Variants in HADHB observed in about 807,000 individuals in gnomAD.
The protein encoded by HADHB is trifunctional enzyme subunit beta, mitochondrial.
Under a neutral mutation model 61.9 loss-of-function variants are expected in HADHB, and 50 were observed. The observed-to-expected ratio is 0.81, with a 90% CI of 0.64 to 1.02. HADHB has a LOEUF of 1.02. Among genes scored for constraint, HADHB ranks in the 50% least tolerant of loss-of-function variants. The probability of loss-of-function intolerance (pLI) is 0.00; values close to 1 mark genes in which losing one functional copy is unlikely to be tolerated. For synonymous variants in HADHB, 191 were observed against 201.6 expected, an observed-to-expected ratio of 0.95 and a Z score of 0.45; for missense variants, 504 against 586.5, an observed-to-expected ratio of 0.86 and a Z score of 1.45.
At chr2:26,254,535 T>G (rs1671533687) in intron 3 of HADHB, 61 bp downstream of exon 3, 3 of 1,148,410 alleles carry the variant, frequency 2.6e-6, no homozygotes, top group Non-Finnish European at 4.0e-6. Context: ...ATTCTATAGT[T>G]TGTGAACTCT....
intron 15 of HADHB, among the ~76,000 whole-genome samples, chr2:26,286,838 G>A (rs1406495545): frequency 3.5e-5 from 5 of 141,752 alleles, no homozygotes; most frequent in East Asian, 2.0e-4. Context: ...TTTTAATCCC[G>A]ATGTGAACAG....
chr2:26,285,739 G>GTTTTTCTTTTTTTTTTTTTTTTT (rs1673001225), intron 15 of HADHB, among the ~76,000 whole-genome samples, 168 bp downstream of exon 15: 1 of 65,082 alleles, frequency 1.5e-5, no homozygotes, highest in Non-Finnish European at 2.9e-5. Context: ...TGTTTTTTGG[G>GTTTTTCTTTTTTTTTTTTTTTTT]TTTTTTTTTT....
intron 4 of HADHB, among the ~76,000 whole-genome samples, chr2:26,264,151 T>TA (rs1275805028): frequency 6.6e-6 from 1 of 152,138 alleles, no homozygotes; most frequent in East Asian, 1.9e-4. Flanking sequence ...TTGCCAGCTT[T>TA]AAAAAAATGC....
In HADHB at chr2:26,280,213, A is replaced by T. The variant is rs1391786085; in HGVS notation, c.933+98A>T. 4.2e-6 allele frequency: 4 copies of T among 942,608 alleles called. No individual in the cohort carries two copies. The African/African-American group carries it at 6.5e-5, about 15-fold the overall frequency. 58.4% of individuals were successfully genotyped at this position (942,608 alleles called of 1,614,324 possible). On this transcript the variant is annotated intron_variant, in intron 10 of 15. Coordinates refer to ENST00000317799, the MANE Select transcript of HADHB (RefSeq NM_000183.3). The stretch of plus-strand genomic sequence containing the variant: ...AACTTTTTGTGTGTGTTATGAATAG[A>T]GGGTTAAAAATATAGTTATTCATTT...
At chr2:26,284,352 G>T in intron 13 of HADHB, 148 bp downstream of exon 13, 1 of 709,624 alleles carries the variant, frequency 1.4e-6, no homozygotes, top group South Asian at 1.5e-5. Context: ...CTGCTGGGAG[G>T]GGCCCGAGGG....
intron 3 of HADHB, among the ~76,000 whole-genome samples, chr2:26,261,973 C>G (rs1025014467): frequency 8.6e-5 from 13 of 151,934 alleles, no homozygotes; most frequent in African/African-American, 3.1e-4. Flanking sequence ...TGCCTTTATC[C>G]TGGCCTTTTG....
intron 1 of HADHB, among the ~76,000 whole-genome samples, chr2:26,246,244 T>TTTG (rs576005702): frequency 1.3e-5 from 2 of 152,170 alleles, no homozygotes; most frequent in East Asian, 1.9e-4. Context: ...AGTGGTAAAT[T>TTTG]TTGTTGTTGT....
intron 4 of HADHB, among the ~76,000 whole-genome samples, chr2:26,265,016 A>G (rs1029484074): frequency 1.3e-5 from 2 of 152,024 alleles, no homozygotes; most frequent in Middle Eastern, 3.4e-3. Flanking sequence ...AAGAAGAAGT[A>G]ATGCTATAAG....
At chr2:26,254,728 G>T (rs1671539224) in intron 3 of HADHB, 3 of 463,770 alleles carry the variant, frequency 6.5e-6, no homozygotes, top group South Asian at 4.7e-5. Context: ...AGTCATGGAG[G>T]TTCCATAAAC....
chr2:26,260,698 CAAGTT>C, intron 3 of HADHB: 1 of 328,350 alleles, frequency 3.0e-6, no homozygotes, highest in Non-Finnish European at 5.7e-6. Context: ...AATGGACCCT[CAAGTT>C]AAGGATGAGA....
chr2:26,289,842 C>A, intron 15 of HADHB, 76 bp from the exon 16 acceptor site: 1 of 996,058 alleles, frequency 1.0e-6, no homozygotes, highest in Non-Finnish European at 1.6e-6. Flanking sequence ...TACTTTTCTC[C>A]TTGTTCTCTG....
At chr2:26,250,609 G>A (rs1484196829) in intron 1 of HADHB, among the ~76,000 whole-genome samples, 1 of 151,650 alleles carries the variant, frequency 6.6e-6, no homozygotes, top group East Asian at 1.9e-4. Flanking sequence ...CGAGGTAGGA[G>A]GATTACTTGA....
chr2:26,263,753 G>A (rs1011901196), intron 4 of HADHB, among the ~76,000 whole-genome samples: 4 of 152,186 alleles, frequency 2.6e-5, no homozygotes, highest in East Asian at 3.8e-4. Context: ...TTCCAACAGA[G>A]CTGTCCTTTC....
chr2:26,270,341 C>T (rs1192124672), intron 5 of HADHB, among the ~76,000 whole-genome samples: 1 of 152,158 alleles, frequency 6.6e-6, no homozygotes, highest in East Asian at 1.9e-4. Flanking sequence ...ATGTGCAAAC[C>T]AAGTAAAAAT....
At chr2:26,275,662 G>A (rs991599729) in intron 6 of HADHB, among the ~76,000 whole-genome samples, 7 of 152,162 alleles carry the variant, frequency 4.6e-5, no homozygotes, top group African/African-American at 1.2e-4. Context: ...ATTGGTTTAC[G>A]TTGAGAGGCT....
intron 5 of HADHB, among the ~76,000 whole-genome samples, chr2:26,271,264 T>C (rs1672337399): frequency 6.6e-6 from 1 of 150,528 alleles, no homozygotes; most frequent in Admixed American, 6.6e-5. Context: ...TCCCAGCACT[T>C]TGGGAGGCTG....
intron 3 of HADHB, among the ~76,000 whole-genome samples, chr2:26,262,128 C>G (rs1397579582): frequency 6.6e-6 from 1 of 152,110 alleles, no homozygotes; most frequent in African/African-American, 2.4e-5. Context: ...ACTAATATTT[C>G]TTTAAAGTTG....
chr2:26,251,615 G>A (rs1671401231), intron 1 of HADHB, among the ~76,000 whole-genome samples: 4 of 152,122 alleles, frequency 2.6e-5, no homozygotes, highest in Non-Finnish European at 4.4e-5. Context: ...GACCCTTGTG[G>A]CATTGTAAGT....
chr2:26,278,822 G>A (rs772196306), intron 8 of HADHB, 21 bp downstream of exon 8: 47 of 1,588,608 alleles, frequency 3.0e-5, no homozygotes, highest in Non-Finnish European at 4.0e-5. Context: ...TGTTTGCAGG[G>A]CATCCCACTG....
Sources: gnomAD v4.1 joint callset for allele counts (sites outside exome capture counted in the v4.1 genomes callset) on GRCh38, gnomAD v4.1.1 for gene constraint, MANE v1.5 for transcripts, NCBI Gene and HGNC (gene_info 2026-07-23, HGNC 2026-07-21) for gene names.